The following MIPOL1 variants were observed in gnomAD, a reference collection of about 807,000 sequenced individuals.
MIPOL1 encodes the protein mirror-image polydactyly gene 1 protein.
A neutral mutation model predicts 60.9 loss-of-function variants in MIPOL1; 57 were observed. The observed-to-expected ratio is 0.94, with a 90% CI of 0.76 to 1.17. The LOEUF (loss-of-function observed/expected upper bound fraction) is 1.17, where lower values mean the gene tolerates loss of function less well. MIPOL1 is among the 50% of genes most tolerant of loss of function. MIPOL1 has a pLI of 0.00. For synonymous variants in MIPOL1, 179 were observed against 168.8 expected (o/e 1.06, Z -0.47); for missense variants, 551 against 511.6 (o/e 1.08, Z -0.74).
chr14:37,308,846 G>A (rs1051338511), intron 9 of MIPOL1, among the ~76,000 whole-genome samples: 2 of 151,928 alleles, frequency 1.3e-5, no homozygotes, highest in East Asian at 3.9e-4. Flanking sequence ...TTAAATTACA[G>A]TTTTCTGAAG....
intron 11 of MIPOL1, chr14:37,434,407 T>C (rs1210781979): frequency 6.6e-6 from 1 of 152,180 alleles, no homozygotes; most frequent in Non-Finnish European, 1.5e-5. Context: ...TTTGTTTAAG[T>C]TCCTTGTAGG....
At chr14:37,418,845 T>A (rs954257979) in intron 10 of MIPOL1, among the ~76,000 whole-genome samples, 25 of 152,026 alleles carry the variant, frequency 1.6e-4, no homozygotes, top group African/African-American at 6.0e-4. Flanking sequence ...GCTTGGATGT[T>A]TTAAAGCGAT....
chr14:37,359,750 A>T (rs191199870), intron 9 of MIPOL1, among the ~76,000 whole-genome samples: 6 of 152,206 alleles, frequency 3.9e-5, no homozygotes, highest in African/African-American at 1.4e-4. Context: ...GGTTTTCTAA[A>T]TATACAATCA....
intron 11 of MIPOL1, among the ~76,000 whole-genome samples, chr14:37,472,455 G>A (rs1264147404): frequency 6.6e-6 from 1 of 151,996 alleles, no homozygotes; most frequent in African/African-American, 2.4e-5. Flanking sequence ...GTGAGAGTGT[G>A]CAGAGCACCT....
rs540110445 is a variant in MIPOL1 at position 37,305,812 on chromosome 14, A to G, written c.624-2244A>G. On this transcript the variant is annotated intron_variant, in intron 7 of 12. Coordinates refer to ENST00000684589, the MANE Select transcript of MIPOL1 (RefSeq NM_001388067.1). ...CCTGGCCATTTATCACTATAATTAT[A>G]TCAGTTATAAAGAATAATAACAAAA... 2.0e-5 allele frequency among the ~76,000 whole-genome samples: 3 copies of G among 151,956 alleles called. No homozygotes were observed. The South Asian group carries it at 6.2e-4, about 31-fold the overall frequency.
chr14:37,359,509 C>A (rs12878937), intron 9 of MIPOL1, among the ~76,000 whole-genome samples: 5 of 152,014 alleles, frequency 3.3e-5, no homozygotes, highest in Admixed American at 6.6e-5. Context: ...CTTTTATTTC[C>A]TTGAGCAGTG....
chr14:37,360,303 A>T (rs964548683), intron 9 of MIPOL1, among the ~76,000 whole-genome samples: 2 of 152,164 alleles, frequency 1.3e-5, no homozygotes, highest in Admixed American at 6.5e-5. Flanking sequence ...TGTCTCTGCC[A>T]CGCTTTGGTA....
intron 1 of MIPOL1, among the ~76,000 whole-genome samples, chr14:37,233,332 AT>A (rs887149821): frequency 6.6e-6 from 1 of 152,056 alleles, no homozygotes; most frequent in African/African-American, 2.4e-5. Context: ...TAACTTTCAT[AT>A]TTTTTCAGAA....
intron 3 of MIPOL1, among the ~76,000 whole-genome samples, chr14:37,250,784 TAA>T (rs1247972638): frequency 2.0e-5 from 3 of 152,126 alleles, no homozygotes; most frequent in African/African-American, 7.2e-5. Flanking sequence ...TAAAAGAAAT[TAA>T]GTTAATTAAA....
intron 1 of MIPOL1, chr14:37,219,714 A>G (rs1968413011): frequency 6.6e-6 from 1 of 152,098 alleles, no homozygotes; most frequent in Non-Finnish European, 1.5e-5. Flanking sequence ...CTGTATCCCT[A>G]CTGATTTTCT....
rs937641765 is a variant in MIPOL1 at position 37,369,552 on chromosome 14, A to T, written c.864A>T (p.Lys288Asn). 4 of 1,613,528 alleles carry T rather than the reference A, an allele frequency of 2.5e-6. No homozygotes were observed. Among genetic ancestry groups the T allele is most frequent in the Non-Finnish European group, 3.4e-6 (4 of 1,179,600 alleles). Reference sequence around the variant, plus strand: ...TAGAGCAGGAGCTTCATCATGTGAAAGAGCAGAACCAGACTTCAGCAAACA... The same window carrying T: ...TAGAGCAGGAGCTTCATCATGTGAATGAGCAGAACCAGACTTCAGCAAACA... Reference protein sequence around the residue: ...KRLEQELHHVKEQNQTSANNM... With the variant: ...KRLEQELHHVNEQNQTSANNM... The change falls in exon 10 of 13, where the codon AAA (lysine) becomes AAT (asparagine). Residue 288 changes from lysine (K) to asparagine (N), a missense_variant. Lys to Asn is a moderately conservative substitution (Grantham distance 94). Coordinates refer to ENST00000684589, the MANE Select transcript of MIPOL1 (RefSeq NM_001388067.1).
intron 11 of MIPOL1, among the ~76,000 whole-genome samples, chr14:37,460,770 G>T (rs1011457457): frequency 7.2e-5 from 11 of 151,996 alleles, no homozygotes; most frequent in Non-Finnish European, 1.5e-4. Flanking sequence ...AGCCACACAA[G>T]AAATAAAATC....
At chr14:37,331,240 G>A (rs2089655342) in intron 9 of MIPOL1, among the ~76,000 whole-genome samples, 1 of 151,674 alleles carries the variant, frequency 6.6e-6, no homozygotes, top group Non-Finnish European at 1.5e-5. Context: ...ACTACTCTTG[G>A]AATCTTGTGA....
At chr14:37,441,663 A>G (rs183642846) in intron 11 of MIPOL1, among the ~76,000 whole-genome samples, 1 of 151,864 alleles carries the variant, frequency 6.6e-6, no homozygotes, top group South Asian at 2.1e-4. Flanking sequence ...AAGTCAAGTA[A>G]CATAATATAC....
At chr14:37,361,606 C>G (rs1350894904) in intron 9 of MIPOL1, among the ~76,000 whole-genome samples, 3 of 128,270 alleles carry the variant, frequency 2.3e-5, no homozygotes, top group African/African-American at 5.7e-5. Context: ...TTCTCCCTCT[C>G]TCTCTTTTTT....
chr14:37,244,603 C>A (rs1972898412), intron 1 of MIPOL1, among the ~76,000 whole-genome samples: 1 of 151,472 alleles, frequency 6.6e-6, no homozygotes, highest in Admixed American at 6.6e-5. Context: ...ACTTTAGTTG[C>A]AAATTGATTT....
At chr14:37,425,637 A>G (rs753915510) in intron 11 of MIPOL1, among the ~76,000 whole-genome samples, 2 of 152,176 alleles carry the variant, frequency 1.3e-5, no homozygotes, top group South Asian at 2.1e-4. Flanking sequence ...TGTTTTAGGT[A>G]TATTCAGTTC....
chr14:37,230,148 AAAC>A (rs1227120701), intron 1 of MIPOL1, among the ~76,000 whole-genome samples: 1 of 152,218 alleles, frequency 6.6e-6, no homozygotes, highest in Non-Finnish European at 1.5e-5. Flanking sequence ...GTATATTTCA[AAAC>A]AACATGTTGT....
intron 9 of MIPOL1, among the ~76,000 whole-genome samples, chr14:37,361,449 C>T (rs1219501752): frequency 3.3e-5 from 5 of 151,914 alleles, no homozygotes; most frequent in Non-Finnish European, 2.9e-5. Context: ...CCCATTACTA[C>T]TGTGTGGGAG....
Sources: allele counts gnomAD v4.1 joint callset (sites outside exome capture counted in the v4.1 genomes callset), GRCh38; gene constraint gnomAD v4.1.1; transcripts MANE v1.5; gene names NCBI Gene and HGNC (gene_info 2026-07-23, HGNC 2026-07-21).